Variants in DRC8 observed in about 807,000 individuals in gnomAD.
The protein encoded by DRC8 is dynein regulatory complex subunit 8, also known as dynein regulatory complex protein 8.
the DRC8 span, among the ~76,000 whole-genome samples, chr1:245,057,604 AT>A: frequency 6.6e-6 from 1 of 150,536 alleles, no homozygotes; most frequent in African/African-American, 2.4e-5. Flanking sequence ...CGGGCCTAGA[AT>A]TTGTCTTTTC....
chr1:245,006,728 G>A, the DRC8 span, among the ~76,000 whole-genome samples: 1 of 152,284 alleles, frequency 6.6e-6, no homozygotes, highest in Non-Finnish European at 1.5e-5. Context: ...GAGCTCAGAA[G>A]TTTGAGACCA....
At chr1:245,066,441 T>G in the DRC8 span, among the ~76,000 whole-genome samples, 670 of 152,348 alleles carry the variant, frequency 4.4e-3, 1 homozygote, top group African/African-American at 0.015. Flanking sequence ...TGGAGTGAAT[T>G]AAGTATGCAT....
the DRC8 span, among the ~76,000 whole-genome samples, chr1:245,010,158 A>G: frequency 0.22 from 33,722 of 151,958 alleles, 4,084 homozygotes; most frequent in African/African-American, 0.32. Flanking sequence ...ACCGCTCCCG[A>G]CCTCTCATGC....
the DRC8 span, among the ~76,000 whole-genome samples, chr1:245,009,854 T>G: frequency 4.0e-5 from 6 of 151,538 alleles, no homozygotes; most frequent in Non-Finnish European, 7.4e-5. Flanking sequence ...ATGCATGTGT[T>G]TTTTGTTTGT....
At chr1:245,104,170 A>T in the DRC8 span, among the ~76,000 whole-genome samples, 1,755 of 152,312 alleles carry the variant, frequency 0.012, 37 homozygotes, top group African/African-American at 0.04. Context: ...ATAGGTGATT[A>T]AAAAAGGACT....
the DRC8 span, among the ~76,000 whole-genome samples, chr1:245,103,123 A>G: frequency 6.8e-6 from 1 of 146,936 alleles, no homozygotes. Context: ...AGAGAGGCCA[A>G]GCATTGTTTA....
chr1:244,997,467 A>G, the DRC8 span, among the ~76,000 whole-genome samples: 280 of 151,800 alleles, frequency 1.8e-3, 1 homozygote, highest in African/African-American at 6.6e-3. Context: ...TTCCAATTCC[A>G]AATCATTGTT....
At chr1:245,097,912 C>T in the DRC8 span, among the ~76,000 whole-genome samples, 11 of 152,022 alleles carry the variant, frequency 7.2e-5, no homozygotes, top group Non-Finnish European at 1.2e-4. The surrounding 1 kb of genome is among the most constrained non-coding windows in gnomAD (Gnocchi z 5.0). Flanking sequence ...CAGATGAGGA[C>T]GGAGAGGTGG....
At chr1:245,040,599 A>C in the DRC8 span, among the ~76,000 whole-genome samples, 3 of 152,218 alleles carry the variant, frequency 2.0e-5, no homozygotes, top group African/African-American at 7.2e-5. Context: ...GATATATATG[A>C]AAGTACTGTT....
chr1:244,972,235 C>T, the DRC8 span, among the ~76,000 whole-genome samples: 1 of 152,162 alleles, frequency 6.6e-6, no homozygotes, highest in Non-Finnish European at 1.5e-5. Context: ...ATTCAGAATA[C>T]ATATATTCAA....
chr1:244,998,200 A>T, the DRC8 span, among the ~76,000 whole-genome samples: 1 of 151,520 alleles, frequency 6.6e-6, no homozygotes, highest in Non-Finnish European at 1.5e-5. Flanking sequence ...TTACATATAT[A>T]TTTATTTTAT....
the DRC8 span, among the ~76,000 whole-genome samples, chr1:245,018,372 T>C: frequency 6.6e-6 from 1 of 152,154 alleles, no homozygotes; most frequent in Non-Finnish European, 1.5e-5. Flanking sequence ...AAAATGGTTC[T>C]GGAAAGGAAC....
the DRC8 span, among the ~76,000 whole-genome samples, chr1:245,041,134 A>C: frequency 3.9e-5 from 6 of 152,170 alleles, no homozygotes; most frequent in Non-Finnish European, 5.9e-5. Context: ...AAGAACTTTA[A>C]GATTAGGAGT....
At chr1:245,055,671 A>G in the DRC8 span, among the ~76,000 whole-genome samples, 1 of 152,074 alleles carries the variant, frequency 6.6e-6, no homozygotes, top group Admixed American at 6.6e-5. Flanking sequence ...AGTCCTCGAT[A>G]TTTGTAACTC....
chr1:245,097,946 CT>C, the DRC8 span, among the ~76,000 whole-genome samples: 1 of 152,078 alleles, frequency 6.6e-6, no homozygotes, highest in African/African-American at 2.4e-5. The surrounding 1 kb of genome is among the most constrained non-coding windows in gnomAD (Gnocchi z 5.0). Context: ...CATGAAGGGC[CT>C]TGTGGGCCAG....
At chr1:245,054,727 G>C in the DRC8 span, among the ~76,000 whole-genome samples, 285 of 152,196 alleles carry the variant, frequency 1.9e-3, 1 homozygote, top group Non-Finnish European at 3.2e-3. Flanking sequence ...TGCTCCTGTG[G>C]CTTCATGACC....
At chr1:244,987,868 T>C in the DRC8 span, among the ~76,000 whole-genome samples, 1 of 152,320 alleles carries the variant, frequency 6.6e-6, no homozygotes, top group African/African-American at 2.4e-5. Flanking sequence ...GATATTTAAA[T>C]ATGTAAACAG....
chr1:244,981,080 G>A, the DRC8 span, among the ~76,000 whole-genome samples: 2 of 152,056 alleles, frequency 1.3e-5, no homozygotes, highest in Admixed American at 6.6e-5. Context: ...CTACTTGAGA[G>A]GCTGAGGCAG....
At chr1:245,098,540 C>T in the DRC8 span, among the ~76,000 whole-genome samples, 2 of 152,200 alleles carry the variant, frequency 1.3e-5, no homozygotes, top group African/African-American at 4.8e-5. Context: ...TCCCCAGGGC[C>T]TCCATCACCC....
Sources: allele counts gnomAD v4.1 joint callset (sites outside exome capture counted in the v4.1 genomes callset), GRCh38; gene constraint gnomAD v4.1.1; non-coding constraint Gnocchi (gnomAD v3.1); transcripts MANE v1.5; gene names NCBI Gene and HGNC (gene_info 2026-07-23, HGNC 2026-07-21).